The following FRMD4A variants were observed in gnomAD, a reference collection of about 807,000 sequenced individuals.
FRMD4A encodes FERM domain-containing protein 4A.
A neutral mutation model predicts 129.1 loss-of-function variants in FRMD4A; 29 were observed. The ratio of observed to expected loss-of-function variants is 0.22; its 90% CI spans 0.17 to 0.31. The LOEUF (loss-of-function observed/expected upper bound fraction) is 0.31, where lower values mean the gene tolerates loss of function less well. Ranked by LOEUF, FRMD4A falls within the 10% of genes least tolerant of loss-of-function variation. FRMD4A has a pLI of 1.00. For synonymous variants in FRMD4A, 634 were observed against 571.6 expected (o/e 1.11, Z -1.56); for missense variants, 1,272 against 1,375.8 (o/e 0.92, Z 1.19).
chr10:13,855,557 C>G (rs1046640837), intron 3 of FRMD4A, among the ~76,000 whole-genome samples: 18 of 152,146 alleles, frequency 1.2e-4, no homozygotes, highest in Non-Finnish European at 1.5e-5. Context: ...TCCCACCCAT[C>G]CCCATTTCTA....
At chr10:13,755,017 A>T (rs1475316711) in intron 8 of FRMD4A, among the ~76,000 whole-genome samples, 1 of 152,230 alleles carries the variant, frequency 6.6e-6, no homozygotes, top group African/African-American at 2.4e-5. Context: ...CTGTAAGTGC[A>T]GGGAAATGAT....
chr10:13,771,258 G>T (rs2092446005), intron 6 of FRMD4A, among the ~76,000 whole-genome samples: 1 of 151,838 alleles, frequency 6.6e-6, no homozygotes, highest in Non-Finnish European at 1.5e-5. Context: ...ATATTTTTTT[G>T]TAGGGTTGGG....
chr10:14,141,309 G>A (rs1188281884), intron 2 of FRMD4A, among the ~76,000 whole-genome samples: 2 of 152,210 alleles, frequency 1.3e-5, no homozygotes, highest in East Asian at 3.9e-4. Flanking sequence ...CTCACAATAG[G>A]CATTTTTATC....
chr10:14,125,648 G>A (rs78513910), intron 2 of FRMD4A, among the ~76,000 whole-genome samples: 10,164 of 152,230 alleles, frequency 0.067, 543 homozygotes, highest in African/African-American at 0.14. Flanking sequence ...TCCTGCAAAT[G>A]TGTATCTACC....
intron 2 of FRMD4A, among the ~76,000 whole-genome samples, chr10:13,931,663 T>C (rs1225122804): frequency 6.6e-6 from 1 of 151,072 alleles, no homozygotes; most frequent in Non-Finnish European, 1.5e-5. Flanking sequence ...TAAGGTTGGG[T>C]GTGATGGCTC....
intron 2 of FRMD4A, among the ~76,000 whole-genome samples, chr10:14,234,875 C>A (rs187487639): frequency 6.6e-6 from 1 of 152,366 alleles, no homozygotes; most frequent in South Asian, 2.1e-4. Context: ...TCAGTTGCTA[C>A]TGAGTCTCAT....
intron 2 of FRMD4A, among the ~76,000 whole-genome samples, chr10:14,080,209 C>G (rs1036018919): frequency 4.6e-5 from 7 of 152,116 alleles, no homozygotes; most frequent in Non-Finnish European, 1.0e-4. Context: ...CCACAAAGGC[C>G]CCCACTCTAG....
intron 2 of FRMD4A, among the ~76,000 whole-genome samples, chr10:13,891,985 C>T (rs1490834047): frequency 6.6e-6 from 1 of 151,200 alleles, no homozygotes; most frequent in Non-Finnish European, 1.5e-5. Flanking sequence ...ACCGCCGCCG[C>T]CACCGCCCGC....
chr10:13,644,236 C>G lies in FRMD4A; in HGVS notation c.*2802G>C, dbSNP rs946096710. 1.3e-5 allele frequency: 2 copies of G among 152,164 alleles called. No individual in the cohort carries two copies. Among genetic ancestry groups the G allele is most frequent in the African/African-American group, 2.4e-5 (1 of 41,422 alleles). The allele number at this position is 152,164 out of a possible 1,614,324, so 9.4% of individuals were successfully genotyped here. On this transcript the variant is annotated 3_prime_UTR_variant, in exon 25 of 25. Coordinates refer to ENST00000357447, the MANE Select transcript of FRMD4A (RefSeq NM_018027.5). ...AAACAGGCAATTTCTTTTACGCATC[C>G]GAAGAATCCAATAGGGGCTTTATAT...
At chr10:14,185,569 T>G (rs777801470) in intron 2 of FRMD4A, among the ~76,000 whole-genome samples, 1 of 152,114 alleles carries the variant, frequency 6.6e-6, no homozygotes, top group African/African-American at 2.4e-5. Context: ...ATTTAAAGGT[T>G]CAATCTCGTC....
At chr10:13,699,232 T>TG (rs1554850797) in intron 14 of FRMD4A, among the ~76,000 whole-genome samples, 78 of 115,282 alleles carry the variant, frequency 6.8e-4, no homozygotes, top group Middle Eastern at 7.6e-3. Flanking sequence ...TTGTTTTTTT[T>TG]TTTTTTTTTT....
intron 2 of FRMD4A, among the ~76,000 whole-genome samples, chr10:13,912,366 G>T (rs986868957): frequency 6.6e-6 from 1 of 152,054 alleles, no homozygotes; most frequent in Admixed American, 6.6e-5. Flanking sequence ...CCATGCCTGG[G>T]TATATAACCA....
chr10:14,192,259 T>G (rs955370310), intron 2 of FRMD4A, among the ~76,000 whole-genome samples: 12 of 152,246 alleles, frequency 7.9e-5, no homozygotes, highest in African/African-American at 2.9e-4. Context: ...CTGGGTTTTG[T>G]GTAGCTGTAT....
At chr10:13,951,195 T>C (rs568992892) in intron 2 of FRMD4A, among the ~76,000 whole-genome samples, 35 of 152,056 alleles carry the variant, frequency 2.3e-4, no homozygotes, top group African/African-American at 8.2e-4. Flanking sequence ...GAATGGCCAT[T>C]GGTGATCCTT....
chr10:14,185,803 C>T (rs1033872445), intron 2 of FRMD4A, among the ~76,000 whole-genome samples: 7 of 152,068 alleles, frequency 4.6e-5, no homozygotes, highest in South Asian at 2.1e-4. Flanking sequence ...TAGTCCTGGG[C>T]GGAATAGGGT....
intron 2 of FRMD4A, among the ~76,000 whole-genome samples, chr10:14,043,019 A>T (rs967483898): frequency 9.9e-5 from 15 of 152,072 alleles, no homozygotes; most frequent in Admixed American, 9.8e-4. Context: ...CAACCTGTAC[A>T]ATCCTCATGA....
chr10:14,282,604 C>A (rs530822946), intron 2 of FRMD4A, among the ~76,000 whole-genome samples: 2 of 136,908 alleles, frequency 1.5e-5, no homozygotes, highest in South Asian at 5.2e-4. Context: ...CTAACGGGAG[C>A]CAACCACACT....
chr10:13,922,448 T>G (rs913646411), intron 2 of FRMD4A, among the ~76,000 whole-genome samples: 2 of 152,152 alleles, frequency 1.3e-5, no homozygotes, highest in Non-Finnish European at 2.9e-5. Context: ...TAAAAGAAAG[T>G]AAAACACAAA....
At position 14,319,367 on chromosome 10, in the gene FRMD4A, T is replaced by TCTCTCTCTCTCTCTCTCTCACA. The variant is rs112041665; in HGVS notation, c.45+10690_45+10691insTGTGAGAGAGAGAGAGAGAGAG. On this transcript the variant is annotated intron_variant, in intron 2 of 24. Transcript: ENST00000357447. ...TCTCTCTCCTCTCTCTCTCTCTCTC[T>TCTCTCTCTCTCTCTCTCTCACA]CACACACACACACACACACATGATA... 9.8e-4 allele frequency among the ~76,000 whole-genome samples: 142 copies of TCTCTCTCTCTCTCTCTCTCACA among 145,152 alleles called. 3 individuals carry two copies. The highest frequency in any genetic ancestry group is 3.6e-3 in the African/African-American group (135 of 37,168).
Sources: allele counts gnomAD v4.1 joint callset (sites outside exome capture counted in the v4.1 genomes callset), GRCh38; gene constraint gnomAD v4.1.1; transcripts MANE v1.5; gene names NCBI Gene and HGNC (gene_info 2026-07-23, HGNC 2026-07-21).